Variants in TCF7L2 observed in about 807,000 individuals in gnomAD.
The protein encoded by TCF7L2 is transcription factor 7-like 2.
TCF7L2 carries 23 observed loss-of-function variants against 77.9 expected under a neutral mutation model. The observed-to-expected ratio is 0.30, with a 90% CI of 0.21 to 0.42. The LOEUF (loss-of-function observed/expected upper bound fraction) is 0.42. TCF7L2 is among the 10% of genes least tolerant of loss of function. The pLI, the probability that TCF7L2 is intolerant of heterozygous loss-of-function variation, is 1.00. For missense variants in TCF7L2, 654 were observed against 793.1 expected (o/e 0.82, Z 2.11); for synonymous variants, 413 against 340.2 (o/e 1.21, Z -2.36).
intron 4 of TCF7L2, among the ~76,000 whole-genome samples, chr10:113,014,674 A>C (rs36090025): frequency 0.25 from 38,468 of 151,940 alleles, 5,292 homozygotes; most frequent in Middle Eastern, 0.38. Flanking sequence ...AATGCCACCT[A>C]CTCGGGAGGC....
chr10:112,977,263 C>G (rs1264664241), intron 4 of TCF7L2, among the ~76,000 whole-genome samples: 1 of 152,108 alleles, frequency 6.6e-6, no homozygotes, highest in East Asian at 1.9e-4. Flanking sequence ...GTGATAGTAG[C>G]CCATTCTAGG....
intron 3 of TCF7L2, among the ~76,000 whole-genome samples, chr10:112,962,802 T>C (rs2035611810): frequency 6.6e-6 from 1 of 152,172 alleles, no homozygotes; most frequent in South Asian, 2.1e-4. Context: ...TTTCACCATG[T>C]TGGCCAGGGT....
intron 4 of TCF7L2, among the ~76,000 whole-genome samples, chr10:112,989,027 A>G (rs2042068285): frequency 6.6e-6 from 1 of 152,104 alleles, no homozygotes; most frequent in South Asian, 2.1e-4. Context: ...GGGTCCTGTC[A>G]TGCTCTGCGG....
intron 3 of TCF7L2, among the ~76,000 whole-genome samples, chr10:112,957,032 A>G (rs1365594501): frequency 2.0e-5 from 3 of 152,030 alleles, no homozygotes; most frequent in Non-Finnish European, 4.4e-5. Flanking sequence ...TGTTATACAC[A>G]TTTATAAAGA....
At chr10:112,958,747 T>G (rs1342459846) in intron 3 of TCF7L2, among the ~76,000 whole-genome samples, 2 of 152,076 alleles carry the variant, frequency 1.3e-5, no homozygotes, top group Non-Finnish European at 2.9e-5. Context: ...TGGGTTGGTT[T>G]GTTTTGGAAA....
At chr10:113,164,673 C>G (rs2073787568) in intron 13 of TCF7L2, among the ~76,000 whole-genome samples, 1 of 151,834 alleles carries the variant, frequency 6.6e-6, no homozygotes, top group Non-Finnish European at 1.5e-5. Context: ...TATTCTCGTT[C>G]CTTTGAATCA....
rs574163445 is a variant in TCF7L2 at position 113,015,128 on chromosome 10, G to C, written c.451-24897G>C. Reference sequence around the variant, plus strand: ...CAGAACCTATGAGGTGGAGGTTGCAGTGAGCTGAGATCACACCATTGCACT... The same window carrying C: ...CAGAACCTATGAGGTGGAGGTTGCACTGAGCTGAGATCACACCATTGCACT... On this transcript the variant is annotated intron_variant, in intron 4 of 13. Coordinates refer to ENST00000627217, the MANE Select transcript of TCF7L2 (RefSeq NM_001146274.2). Among the ~76,000 whole-genome samples the C allele has an allele frequency of 9.2e-5, 14 of 152,294 alleles. 1 individual carries two copies. The South Asian group carries it at 2.9e-3, about 32-fold the overall frequency.
intron 4 of TCF7L2, among the ~76,000 whole-genome samples, chr10:112,994,033 C>T (rs911531235): frequency 1.6e-4 from 23 of 146,182 alleles, no homozygotes; most frequent in Non-Finnish European, 2.7e-4. Context: ...CCAGCCTGGG[C>T]GGCAGAGCGA....
At chr10:113,019,487 A>C (rs919301794) in intron 4 of TCF7L2, among the ~76,000 whole-genome samples, 3 of 152,168 alleles carry the variant, frequency 2.0e-5, no homozygotes, top group Admixed American at 1.3e-4. Context: ...CCACAGACAT[A>C]ATTGAACCGT....
At chr10:113,041,067 G>A (rs1376114299) in intron 5 of TCF7L2, among the ~76,000 whole-genome samples, 2 of 152,164 alleles carry the variant, frequency 1.3e-5, no homozygotes, top group Admixed American at 1.3e-4. Context: ...TTCTTAAGTA[G>A]AAAAATCTTA....
At chr10:113,036,128 CAT>C (rs2051185520) in intron 4 of TCF7L2, among the ~76,000 whole-genome samples, 4 of 124,536 alleles carry the variant, frequency 3.2e-5, no homozygotes, top group East Asian at 2.0e-4. Context: ...TCATCATCAT[CAT>C]CATCATCATC....
At chr10:113,077,296 A>T (rs963490815) in intron 5 of TCF7L2, among the ~76,000 whole-genome samples, 2 of 152,254 alleles carry the variant, frequency 1.3e-5, no homozygotes, top group African/African-American at 4.8e-5. Context: ...CAGAGATAAG[A>T]TAGTGGTAAT....
rs1437623989 is a variant in TCF7L2, at chr10:113,158,859, C to T, written c.1318+790C>T. On this transcript the variant is annotated intron_variant, in intron 12 of 13. Transcript: ENST00000627217. ...ACCATCAACACGGTTTCGTATGTTT[C>T]AGTAGATTTTTTTTTTCAGTTGCTT... 7.0e-6 allele frequency: 5 copies of T among 711,802 alleles called. No individual in the cohort carries two copies. In the East Asian group the frequency reaches 1.7e-4, roughly 24 times the overall value. 44.1% of individuals were successfully genotyped at this position (711,802 alleles called of 1,614,324 possible).
At chr10:113,071,212 G>A (rs1483044285) in intron 5 of TCF7L2, among the ~76,000 whole-genome samples, 1 of 152,160 alleles carries the variant, frequency 6.6e-6, no homozygotes, top group Non-Finnish European at 1.5e-5. Flanking sequence ...GAAACCCCCA[G>A]TTGACTTTTT....
intron 5 of TCF7L2, among the ~76,000 whole-genome samples, chr10:113,051,112 G>A (rs1463731739): frequency 1.3e-5 from 2 of 151,788 alleles, no homozygotes; most frequent in African/African-American, 2.4e-5. Flanking sequence ...TAGGCAAGGG[G>A]CAGATATGTG....
intron 4 of TCF7L2, among the ~76,000 whole-genome samples, chr10:113,021,019 T>C (rs2048188346): frequency 6.6e-6 from 1 of 152,214 alleles, no homozygotes; most frequent in Non-Finnish European, 1.5e-5. Context: ...GTGATCGTTC[T>C]CTTCTGTCTC....
At chr10:112,951,433 C>G in intron 2 of TCF7L2, 50 bp from the exon 3 acceptor site, 1 of 1,361,344 alleles carries the variant, frequency 7.3e-7, no homozygotes, top group Non-Finnish European at 9.7e-7. Context: ...TCCTCACTCT[C>G]TCCCGCTCCG....
At chr10:113,025,918 C>T (rs35480687) in intron 4 of TCF7L2, among the ~76,000 whole-genome samples, 5,683 of 151,294 alleles carry the variant, frequency 0.038, 127 homozygotes, top group Non-Finnish European at 0.051. Flanking sequence ...TGCTCTGTTA[C>T]CCAGGGTGGA....
intron 5 of TCF7L2, among the ~76,000 whole-genome samples, chr10:113,085,054 A>G (rs1190415838): frequency 2.0e-5 from 3 of 151,956 alleles, no homozygotes; most frequent in African/African-American, 4.8e-5. Context: ...GTGTTGGCCA[A>G]TGTTACTCTG....
Sources: gnomAD v4.1 joint callset for allele counts (sites outside exome capture counted in the v4.1 genomes callset) on GRCh38, gnomAD v4.1.1 for gene constraint, MANE v1.5 for transcripts, NCBI Gene and HGNC (gene_info 2026-07-23, HGNC 2026-07-21) for gene names.